The following RERG variants were observed in gnomAD, a reference collection of about 807,000 sequenced individuals.
The protein encoded by RERG is ras-related and estrogen-regulated growth inhibitor.
A neutral mutation model predicts 23.2 loss-of-function variants in RERG; 25 were observed. The observed-to-expected ratio is 1.08, with a 90% CI of 0.79 to 1.50. The LOEUF is 1.50. RERG is among the 40% of genes most tolerant of loss of function. The probability of loss-of-function intolerance (pLI) is 0.00; values close to 1 mark genes in which losing one functional copy is unlikely to be tolerated. For synonymous variants in RERG, 81 were observed against 89.1 expected (o/e 0.91, Z 0.51); for missense variants, 253 against 250.1 (o/e 1.01, Z -0.08).
chr12:15,158,495 T>G (rs1390106071), intron 2 of RERG, among the ~76,000 whole-genome samples: 2 of 152,110 alleles, frequency 1.3e-5, no homozygotes, highest in Admixed American at 6.6e-5. Context: ...TTGCCCAGGC[T>G]GGGATCAAAC....
chr12:15,110,455 A>ATTTTTT (rs1257915419), intron 4 of RERG, among the ~76,000 whole-genome samples: 26 of 59,310 alleles, frequency 4.4e-4, no homozygotes, highest in East Asian at 1.5e-3. Flanking sequence ...TCCAGTGGCC[A>ATTTTTT]TTTTTTTCTT....
At chr12:15,139,839 C>G (rs1864205945) in intron 2 of RERG, among the ~76,000 whole-genome samples, 1 of 152,022 alleles carries the variant, frequency 6.6e-6, no homozygotes, top group African/African-American at 2.4e-5. Flanking sequence ...GTTAGGTCTT[C>G]TGGTGAAATG....
chr12:15,172,408 G>T (rs1864789764), intron 2 of RERG, among the ~76,000 whole-genome samples: 1 of 151,490 alleles, frequency 6.6e-6, no homozygotes, highest in African/African-American at 2.4e-5. Context: ...TTTTATTTTG[G>T]GCTATTATGA....
intron 2 of RERG, among the ~76,000 whole-genome samples, chr12:15,185,836 A>G (rs1454203659): frequency 1.3e-5 from 2 of 152,164 alleles, no homozygotes; most frequent in African/African-American, 2.4e-5. Context: ...AAAAGTTGAA[A>G]AGAAAAAAAA....
At chr12:15,138,917 A>G (rs968133325) in intron 2 of RERG, among the ~76,000 whole-genome samples, 1 of 150,894 alleles carries the variant, frequency 6.6e-6, no homozygotes, top group East Asian at 1.9e-4. Flanking sequence ...ATTTTCTCCT[A>G]TACTATAATC....
chr12:15,200,066 G>A (rs1341749141), intron 2 of RERG, among the ~76,000 whole-genome samples: 1 of 151,990 alleles, frequency 6.6e-6, no homozygotes, highest in Non-Finnish European at 1.5e-5. Flanking sequence ...GTAGACAAAG[G>A]CATTTGGTAG....
intron 2 of RERG, among the ~76,000 whole-genome samples, chr12:15,154,954 G>T (rs965160724): frequency 1.3e-5 from 2 of 152,182 alleles, no homozygotes; most frequent in Non-Finnish European, 1.5e-5. Context: ...GTTGCTAAGT[G>T]TGAAGGCTTT....
chr12:15,158,916 A>T (rs927442031), intron 2 of RERG, among the ~76,000 whole-genome samples: 3 of 152,124 alleles, frequency 2.0e-5, no homozygotes, highest in Non-Finnish European at 4.4e-5. Context: ...TTATTTTTCT[A>T]TCTGACAATT....
intron 3 of RERG, chr12:15,114,724 GA>G (rs1027766146): frequency 2.0e-5 from 3 of 152,148 alleles, no homozygotes; most frequent in Admixed American, 6.5e-5. Flanking sequence ...ACATGCACTA[GA>G]AAAAACCTGG....
At chr12:15,147,422 A>T (rs1341632331) in intron 2 of RERG, among the ~76,000 whole-genome samples, 1 of 152,250 alleles carries the variant, frequency 6.6e-6, no homozygotes, top group Non-Finnish European at 1.5e-5. Context: ...TTAATTCAGT[A>T]CAAAACAATC....
Position 15,157,217 on chromosome 12 carries a change from T to C in RERG, c.62-36098A>G, listed in dbSNP as rs573011595. Reference sequence around the variant, plus strand: ...AGGGGAAAACAGAAGAGGCCACTTATTTTGCATATAAGACAGATGCTCAGG... The same window carrying C: ...AGGGGAAAACAGAAGAGGCCACTTACTTTGCATATAAGACAGATGCTCAGG... On this transcript the variant is annotated intron_variant, in intron 2 of 4. Coordinates refer to ENST00000256953, the MANE Select transcript of RERG (RefSeq NM_032918.3). Among the ~76,000 whole-genome samples the C allele has an allele frequency of 4.3e-4, 66 of 152,354 alleles. No individual in the cohort carries two copies. In the South Asian group the frequency reaches 0.012, roughly 29 times the overall value.
At chr12:15,199,367 T>C (rs1378175182) in intron 2 of RERG, among the ~76,000 whole-genome samples, 1 of 152,134 alleles carries the variant, frequency 6.6e-6, no homozygotes, top group South Asian at 2.1e-4. Context: ...GTGCCATGAG[T>C]GGCTTTTATT....
At chr12:15,157,898 T>C (rs535842930) in intron 2 of RERG, among the ~76,000 whole-genome samples, 1 of 151,704 alleles carries the variant, frequency 6.6e-6, no homozygotes, top group South Asian at 2.1e-4. Context: ...TTCCCATTTG[T>C]TTTATCATTC....
chr12:15,135,372 T>A (rs1864127081), intron 2 of RERG, among the ~76,000 whole-genome samples: 1 of 142,224 alleles, frequency 7.0e-6, no homozygotes, highest in Non-Finnish European at 1.6e-5. Flanking sequence ...GACAGTTATA[T>A]TTTTTTCTTC....
intron 2 of RERG, among the ~76,000 whole-genome samples, chr12:15,178,917 G>A (rs531228680): frequency 6.6e-6 from 1 of 152,194 alleles, no homozygotes; most frequent in African/African-American, 2.4e-5. Context: ...TGTAGGAAGT[G>A]AGCATTTAAA....
intron 2 of RERG, among the ~76,000 whole-genome samples, chr12:15,180,304 C>A (rs998842748): frequency 5.3e-5 from 8 of 152,022 alleles, no homozygotes; most frequent in Admixed American, 3.9e-4. Context: ...GCTGACAAGC[C>A]ACATCCACTA....
At chr12:15,184,017 A>C (rs1254519330) in intron 2 of RERG, among the ~76,000 whole-genome samples, 1 of 152,186 alleles carries the variant, frequency 6.6e-6, no homozygotes, top group Non-Finnish European at 1.5e-5. Context: ...AATTTATGGA[A>C]ATGCATTCTA....
At chr12:15,146,978 G>A (rs1423905901) in intron 2 of RERG, among the ~76,000 whole-genome samples, 1 of 151,254 alleles carries the variant, frequency 6.6e-6, no homozygotes, top group Non-Finnish European at 1.5e-5. Flanking sequence ...TTCTTAAAAG[G>A]AAAGCCTACA....
chr12:15,160,155 C>CAT lies in RERG; in HGVS notation c.62-39038_62-39037dup, dbSNP rs1864582963. Among the ~76,000 whole-genome samples the CAT allele has an allele frequency of 5.3e-5, 8 of 151,830 alleles. No individual in the cohort carries two copies. The South Asian group carries it at 1.7e-3, about 32-fold the overall frequency. Reference sequence around the variant, plus strand: ...TTATTTGTACACTTCTATATATGTGCATATATATATGTGCACATTTTGGTC... The same window carrying CAT: ...TTATTTGTACACTTCTATATATGTGCATATATATATATGTGCACATTTTGGTC... On this transcript the variant is annotated intron_variant, in intron 2 of 4. Coordinates refer to ENST00000256953, the MANE Select transcript of RERG (RefSeq NM_032918.3).
Sources: allele counts gnomAD v4.1 joint callset (sites outside exome capture counted in the v4.1 genomes callset), GRCh38; gene constraint gnomAD v4.1.1; transcripts MANE v1.5; gene names NCBI Gene and HGNC (gene_info 2026-07-23, HGNC 2026-07-21).